ADGRB1: variants seen among roughly 807,000 people sequenced by gnomAD.
ADGRB1 encodes the protein adhesion G protein-coupled receptor B1, also known as brain-specific angiogenesis inhibitor 1.
A neutral mutation model predicts 175.7 loss-of-function variants in ADGRB1; 36 were observed. The ratio of observed to expected loss-of-function variants is 0.20; its 90% CI spans 0.16 to 0.27. ADGRB1 has a LOEUF of 0.27. ADGRB1 is among the 10% of genes least tolerant of loss of function. The pLI is 1.00. For synonymous variants in ADGRB1, 1,054 were observed against 979.4 expected (o/e 1.08, Z -1.42); for missense variants, 1,731 against 2,255.3 (o/e 0.77, Z 4.71).
In ADGRB1 at chr8:142,539,369, T is replaced by A; in HGVS notation, c.3667-5T>A. On this transcript the variant is annotated splice_polypyrimidine_tract_variant and splice_region_variant and intron_variant, in intron 26 of 30. Transcript: ENST00000517894. ...TCACCCTGCCCTGTTGTCTCTGTCC[T>A]ACAGACCGACTTCGAGAAGGACGTG... 2.5e-6 allele frequency: 4 copies of A among 1,585,948 alleles called. No homozygotes were observed. In the Middle Eastern group the frequency reaches 5.0e-4, roughly 197 times the overall value.
intron 2 of ADGRB1, among the ~76,000 whole-genome samples, chr8:142,470,176 C>A (rs375029665): frequency 6.6e-6 from 1 of 152,258 alleles, no homozygotes; most frequent in African/African-American, 2.4e-5. Flanking sequence ...CACCGCCCCC[C>A]AGGCTGTCAG....
chr8:142,463,249 G>A lies in ADGRB1; in HGVS notation c.-219-731G>A, dbSNP rs536853745. On this transcript the variant is annotated intron_variant, in intron 1 of 30. Coordinates refer to ENST00000517894, the MANE Select transcript of ADGRB1 (RefSeq NM_001702.3). ...GCACGAGGGCACACGTGGGAGGGCC[G>A]AAAGAGAGCTTCCTGGCAGGAGCAC... 9.8e-5 allele frequency among the ~76,000 whole-genome samples: 15 copies of A among 152,304 alleles called. No homozygotes were observed. In the East Asian group the frequency reaches 1.5e-3, roughly 16 times the overall value.
In ADGRB1 at chr8:142,533,253, G is replaced by A. The variant is rs1051200374; in HGVS notation, c.3399-42G>A. On this transcript the variant is annotated intron_variant, in intron 24 of 30. Transcript: ENST00000517894. ...GGGTTCAGGGCAGGGTGTCCCTGGG[G>A]GCAGGGGCGGGGGCGGCAGCGCTGA... 1.0e-5 allele frequency: 15 copies of A among 1,462,890 alleles called. No individual in the cohort carries two copies. The Admixed American group carries it at 2.9e-4, about 28-fold the overall frequency. 90.6% of individuals were successfully genotyped at this position (1,462,890 alleles called of 1,614,324 possible). A position where few individuals can be genotyped will look rare whatever the true frequency, so the allele number is the denominator to read the frequency against.
rs761542339 is a variant in ADGRB1, at chr8:142,542,279, C to T, written c.4045C>T (p.Pro1349Ser). Residue 1349 changes from proline (P) to serine (S), a missense_variant, in exon 28 of 31, where the codon CCC (proline) becomes TCC (serine). By Grantham distance (74) the Pro-to-Ser change is moderately conservative. This residue lies in a region of ADGRB1 where 394 missense variants were observed against 410.2 expected (regional missense o/e 0.96). Transcript: ENST00000517894. This position sits in a 1 kb window ranked among gnomAD's most constrained non-coding sequence, Gnocchi z 6.3. Reference protein sequence around the residue: ...KALDTSYVILPTATATLRPKP... With the variant: ...KALDTSYVILSTATATLRPKP... ...TCTGGACACGAGCTACGTGATCCTG[C>T]CCACGGCCACGGCCACGCTGCGGCC... 2 of 1,613,432 alleles carry T rather than the reference C, an allele frequency of 1.2e-6. No individual in the cohort carries two copies. The highest frequency in any genetic ancestry group is 1.7e-6 in the Non-Finnish European group (2 of 1,179,836).
At chr8:142,482,353 G>C (rs893852813) in intron 11 of ADGRB1, among the ~76,000 whole-genome samples, 3 of 149,464 alleles carry the variant, frequency 2.0e-5, no homozygotes, top group African/African-American at 7.5e-5. Flanking sequence ...CACACACTGA[G>C]CCCTGACCCT....
intron 25 of ADGRB1, among the ~76,000 whole-genome samples, chr8:142,534,685 G>A (rs1261906697): frequency 6.6e-6 from 1 of 152,206 alleles, no homozygotes; most frequent in East Asian, 1.9e-4. Context: ...GAGGACAGCA[G>A]AGCTCCTGTT....
intron 12 of ADGRB1, 98 bp from the exon 13 acceptor site, chr8:142,484,558 A>G: frequency 3.4e-6 from 4 of 1,175,008 alleles, no homozygotes; most frequent in African/African-American, 1.5e-5. Flanking sequence ...ATGTTAGGAA[A>G]TGGCCAATAA....
intron 1 of ADGRB1, among the ~76,000 whole-genome samples, chr8:142,456,916 G>C (rs1300206112): frequency 3.3e-5 from 5 of 152,250 alleles, no homozygotes; most frequent in Non-Finnish European, 7.3e-5. Context: ...CACCAGCCTG[G>C]TGGGCAGCCC....
chr8:142,542,450 G>A lies in ADGRB1; in HGVS notation c.4216G>A (p.Ala1406Thr). The change falls in exon 28 of 31, where the codon GCA becomes ACA. Residue 1406 changes from alanine to threonine, a missense_variant. Transcript: ENST00000517894. The surrounding 1 kb of genome is among the most constrained non-coding windows in gnomAD (Gnocchi z 6.3). ...GCCCCCCAGCGGCGGGCCCCCCGAG[G>A]CACCCCCTGCCCAGCCCCCACCGCC... ...RQPPSGGPPE[A>T]PPAQPPPPPP... is the part of the protein sequence containing the mutation. The A allele has an allele frequency of 1.5e-6, 2 of 1,377,792 alleles. No homozygotes were observed. The highest frequency in any genetic ancestry group is 1.6e-5 in the African/African-American group (1 of 62,936). The allele number at this position is 1,377,792 out of a possible 1,614,324, so 85.3% of individuals were successfully genotyped here.
In ADGRB1 at chr8:142,464,875, G is replaced by A; in HGVS notation, c.677G>A (p.Gly226Glu). Reference protein sequence around the residue: ...LGGEAGGPAAGPLAPRGDVCL... With the variant: ...LGGEAGGPAAEPLAPRGDVCL... ...GGCGAGGCGGGCGGCCCTGCCGCGG[G>A]ACCCCTGGCCCCCCGCGGGGATGTC... The change falls in exon 2 of 31, where the codon GGA becomes GAA. Residue 226 changes from glycine to glutamate, a missense_variant. By Grantham distance (98) the Gly-to-Glu change is moderately conservative. Around this residue, in one of 8 missense-constraint regions of ADGRB1, gnomAD observed 383 missense variants for 383.1 expected, o/e 1.00. Transcript: ENST00000517894. 1 of 1,522,234 alleles carries A rather than the reference G, an allele frequency of 6.6e-7. No individual in the cohort carries two copies. The highest frequency in any genetic ancestry group is 8.8e-7 in the Non-Finnish European group (1 of 1,140,614). The allele number at this position is 1,522,234 out of a possible 1,614,324, so 94.3% of individuals were successfully genotyped here. A position where few individuals can be genotyped will look rare whatever the true frequency, so the allele number is the denominator to read the frequency against.
intron 2 of ADGRB1, among the ~76,000 whole-genome samples, chr8:142,472,310 T>C (rs1326095517): frequency 6.6e-6 from 1 of 152,322 alleles, no homozygotes; most frequent in Admixed American, 6.5e-5. Context: ...GTGGCCAGGC[T>C]GCCTGGGGCC....
intron 27 of ADGRB1, chr8:142,539,891 T>G: frequency 6.2e-6 from 1 of 160,120 alleles, no homozygotes; most frequent in Non-Finnish European, 1.4e-5. Context: ...GCTTTCAGGC[T>G]AGGGGGACAA....
In ADGRB1 at chr8:142,510,837, G is replaced by C. The variant is rs1378377765; in HGVS notation, c.2676-95G>C. ...GGGGCGGCGGGCCGGGGCCGGGGCC[G>C]GGGCGCGGAGCCGCCGCTCGGGGGC... On this transcript the variant is annotated intron_variant, in intron 17 of 30. Coordinates refer to ENST00000517894, the MANE Select transcript of ADGRB1 (RefSeq NM_001702.3). The surrounding 1 kb of genome is among the most constrained non-coding windows in gnomAD (Gnocchi z 6.3). 1.6e-6 allele frequency: 1 copy of C among 637,142 alleles called. No homozygotes were observed. The highest frequency in any genetic ancestry group is 1.9e-6 in the Non-Finnish European group (1 of 514,598). 39.5% of individuals were successfully genotyped at this position (637,142 alleles called of 1,614,324 possible).
intron 27 of ADGRB1, among the ~76,000 whole-genome samples, chr8:142,540,722 G>A (rs1187018862): frequency 2.0e-5 from 3 of 152,114 alleles, no homozygotes; most frequent in African/African-American, 7.2e-5. Flanking sequence ...GGGGTGGGGC[G>A]GCCTTGGGGA....
At chr8:142,498,426 C>T (rs1276116705) in intron 17 of ADGRB1, among the ~76,000 whole-genome samples, 2 of 152,184 alleles carry the variant, frequency 1.3e-5, no homozygotes, top group Admixed American at 1.3e-4. Flanking sequence ...CAGGACGCAG[C>T]TGTGAGTTGC....
At chr8:142,468,702 T>C (rs959519035) in intron 2 of ADGRB1, among the ~76,000 whole-genome samples, 4 of 152,350 alleles carry the variant, frequency 2.6e-5, no homozygotes, top group African/African-American at 9.6e-5. Flanking sequence ...GGCTCCCGCC[T>C]TCCAGTCCTC....
At position 142,544,342 on chromosome 8, in the gene ADGRB1, C is replaced by G; in HGVS notation, c.4680C>G (p.Ser1560Arg). 5.8e-6 allele frequency: 9 copies of G among 1,547,248 alleles called. No individual in the cohort carries two copies. Among genetic ancestry groups the G allele is most frequent in the Non-Finnish European group, 7.9e-6 (9 of 1,145,494 alleles). Residue 1560 changes from serine to arginine, a missense_variant, in exon 31 of 31, where the codon AGC becomes AGG. By Grantham distance (110) the Ser-to-Arg change is moderately radical. Transcript: ENST00000517894. ...AGCCGTCGCCGCTGGAGCTTCGCAG[C>G]GTGGAGTGGGAGAGGTCGGGCGCCA... Reference protein sequence around the residue: ...PLQPSPLELRSVEWERSGATI... With the variant: ...PLQPSPLELRRVEWERSGATI...
At chr8:142,509,129 C>A (rs1842962485) in intron 17 of ADGRB1, among the ~76,000 whole-genome samples, 2 of 152,238 alleles carry the variant, frequency 1.3e-5, no homozygotes, top group South Asian at 4.1e-4. Flanking sequence ...TCCCCTGGGC[C>A]CGAATCTCAG....
chr8:142,460,113 AC>A (rs1839898842), intron 1 of ADGRB1, among the ~76,000 whole-genome samples: 1 of 152,106 alleles, frequency 6.6e-6, no homozygotes, highest in Admixed American at 6.5e-5. Flanking sequence ...GTCCCTGGTC[AC>A]CCCCGGCCTT....
Sources: allele counts gnomAD v4.1 joint callset (sites outside exome capture counted in the v4.1 genomes callset), GRCh38; gene constraint gnomAD v4.1.1; regional missense constraint gnomAD v4.1.1; non-coding constraint Gnocchi (gnomAD v3.1); transcripts MANE v1.5; gene names NCBI Gene and HGNC (gene_info 2026-07-23, HGNC 2026-07-21).